The following DAZAP2 variants were observed in gnomAD, a reference collection of about 807,000 sequenced individuals.
DAZAP2 encodes DAZ-associated protein 2.
Under a neutral mutation model 16.2 loss-of-function variants are expected in DAZAP2, and 3 were observed. The ratio of observed to expected loss-of-function variants is 0.19; its 90% CI spans 0.08 to 0.48. The LOEUF (loss-of-function observed/expected upper bound fraction) is 0.48. Ranked by LOEUF, DAZAP2 falls within the 20% of genes least tolerant of loss-of-function variation. DAZAP2 has a pLI of 0.98. For synonymous variants in DAZAP2, 69 were observed against 77.6 expected (o/e 0.89, Z 0.58); for missense variants, 172 against 215.9 (o/e 0.80, Z 1.27).
In DAZAP2 at chr12:51,242,592, A is replaced by G. The variant is rs749523180; in HGVS notation, c.*134A>G. 1 of 1,600,980 alleles carries G rather than the reference A, an allele frequency of 6.2e-7. No homozygotes were observed. Among genetic ancestry groups the G allele is most frequent in the Non-Finnish European group, 8.5e-7 (1 of 1,173,588 alleles). ...TGTTGGGGTGTCTTTCTGGTGCCCA[A>G]ACTTTCAGGCACTTTTCAAATTTAA... On this transcript the variant is annotated 3_prime_UTR_variant, in exon 4 of 4. Transcript: ENST00000412716.
rs1351431532 is a variant in DAZAP2 at position 51,238,856 on chromosome 12, A to G, written c.-52A>G. The G allele has an allele frequency of 6.8e-6, 11 of 1,612,362 alleles. No homozygotes were observed. In the East Asian group the frequency reaches 1.1e-4, roughly 16 times the overall value. ...GGAAGTAGCTCCGAACAGGAAGAGG[A>G]CGAAAAAAATAACCGTCCGCGACGC... On this transcript the variant is annotated 5_prime_UTR_variant, in exon 1 of 4. Transcript: ENST00000412716.
At chr12:51,241,229 A>G (rs1944670457) in intron 3 of DAZAP2, 113 bp downstream of exon 3, 1 of 1,486,616 alleles carries the variant, frequency 6.7e-7, no homozygotes. Flanking sequence ...TGTTGGTACA[A>G]CTACTGACAT....
intron 3 of DAZAP2, 150 bp from the exon 4 acceptor site, chr12:51,242,180 A>T: frequency 1.8e-6 from 2 of 1,105,084 alleles, no homozygotes; most frequent in Non-Finnish European, 2.6e-6. Context: ...GTATAGACCT[A>T]CTTTAGAACT....
At chr12:51,240,505 A>G (rs1306291092) in intron 2 of DAZAP2, 44 bp downstream of exon 2, 5 of 1,496,086 alleles carry the variant, frequency 3.3e-6, no homozygotes, top group Non-Finnish European at 3.7e-6. Flanking sequence ...GAATACTCTT[A>G]GGGTGGTCCT....
rs1944692345 is a variant in DAZAP2, at chr12:51,242,333, C to T, written c.382C>T (p.Pro128Ser). Residue 128 changes from proline (P) to serine (S), a missense_variant, in exon 4 of 4, where the codon CCA becomes TCA. Physicochemically the swap from Pro to Ser is moderately conservative, Grantham distance 74. Transcript: ENST00000412716. ...AGATAGNIPPPPPGCPPNAAQ... is the reference protein window; with the variant it reads ...AGATAGNIPPSPPGCPPNAAQ... ...CTATCATGTCATTTCCTTTCAGCCT[C>T]CACCTCCTGGATGCCCTCCCAATGC... 6.3e-7 allele frequency: 1 copy of T among 1,589,832 alleles called. No homozygotes were observed. Among genetic ancestry groups the T allele is most frequent in the South Asian group, 1.1e-5 (1 of 87,752 alleles).
intron 2 of DAZAP2, 106 bp downstream of exon 2, chr12:51,240,567 CA>C: frequency 9.2e-7 from 1 of 1,092,768 alleles, no homozygotes; most frequent in Non-Finnish European, 1.4e-6. Context: ...CAAATGCTAA[CA>C]TGAATAATCT....
intron 1 of DAZAP2, chr12:51,239,860 T>TCCCA (rs1944637594): frequency 6.1e-6 from 1 of 164,182 alleles, no homozygotes; most frequent in Admixed American, 5.9e-5. Flanking sequence ...TGCACCCTTT[T>TCCCA]CCCAGTCTCA....
At chr12:51,239,096 C>T (rs1944610408) in intron 1 of DAZAP2, 176 bp downstream of exon 1, 7 of 881,364 alleles carry the variant, frequency 7.9e-6, no homozygotes, top group East Asian at 5.6e-5. Flanking sequence ...ATTACGGCAG[C>T]TTGCTGCCTC....
chr12:51,238,896 C>A lies in DAZAP2; in HGVS notation c.-12C>A. ...GTCCGCGACGCCGAGACAAACCGGACCCGCAACCACCATGAACAGCAAAGG... is the reference window on the plus strand; with the variant it reads ...GTCCGCGACGCCGAGACAAACCGGAACCGCAACCACCATGAACAGCAAAGG... On this transcript the variant is annotated 5_prime_UTR_variant, in exon 1 of 4. Transcript: ENST00000412716. 6.2e-7 allele frequency: 1 copy of A among 1,613,464 alleles called. No individual in the cohort carries two copies. The highest frequency in any genetic ancestry group is 8.5e-7 in the Non-Finnish European group (1 of 1,179,914).
At chr12:51,239,059 T>C in intron 1 of DAZAP2, 139 bp downstream of exon 1, 1 of 1,240,124 alleles carries the variant, frequency 8.1e-7, no homozygotes, top group Non-Finnish European at 1.1e-6. Context: ...TCCAGGGCGC[T>C]GCGCCTGACG....
chr12:51,245,909 C>T (rs147691624), downstream of DAZAP2: 599 of 1,594,906 alleles, frequency 3.8e-4, 1 homozygote, highest in Middle Eastern at 3.3e-3. Context: ...AGCGATGGAG[C>T]CAGGAATAAG....
chr12:51,244,385 C>T (rs1490777157), downstream of DAZAP2, among the ~76,000 whole-genome samples: 4 of 152,150 alleles, frequency 2.6e-5, no homozygotes, highest in Non-Finnish European at 4.4e-5. Context: ...TTAGTAGAGA[C>T]GGCTTCACTG....
Position 51,240,382 on chromosome 12 carries a change from C to T in DAZAP2, c.53C>T (p.Pro18Leu), listed in dbSNP as rs1441672462. ...CAGCCAACCTACCCTGTGCAGCCTCCTGGGAATCCAGTATACCCTCAGACC... is the reference window on the plus strand; with the variant it reads ...CAGCCAACCTACCCTGTGCAGCCTCTTGGGAATCCAGTATACCCTCAGACC... ...PTQPTYPVQP[P>L]GNPVYPQTLH... Residue 18 changes from proline (P) to leucine (L), a missense_variant, in exon 2 of 4, where the codon CCT (proline) becomes CTT (leucine). Coordinates refer to ENST00000412716, the MANE Select transcript of DAZAP2 (RefSeq NM_014764.4). 6.2e-7 allele frequency: 1 copy of T among 1,613,984 alleles called. No homozygotes were observed.
At chr12:51,242,302 C>A in intron 3 of DAZAP2, 28 bp from the exon 4 acceptor site, 1 of 1,557,382 alleles carries the variant, frequency 6.4e-7, no homozygotes, top group Non-Finnish European at 8.7e-7. Context: ...CTGCCCTGTG[C>A]CCATTCTATC....
Position 51,241,187 on chromosome 12 carries a change from T to A in DAZAP2, c.378+71T>A, listed in dbSNP as rs185452843. The A allele has an allele frequency of 1.9e-5, 30 of 1,573,510 alleles. No individual in the cohort carries two copies. In the East Asian group the frequency reaches 4.9e-4, roughly 26 times the overall value. Reference sequence around the variant, plus strand: ...ACTTTCTGAAATGACTTCATATTCATTCTCTTACCATTTCTGGATGATAGT... The same window carrying A: ...ACTTTCTGAAATGACTTCATATTCAATCTCTTACCATTTCTGGATGATAGT... On this transcript the variant is annotated intron_variant, in intron 3 of 3. Coordinates refer to ENST00000412716, the MANE Select transcript of DAZAP2 (RefSeq NM_014764.4).
Position 51,242,969 on chromosome 12 carries a change from C to T in DAZAP2, c.*511C>T, listed in dbSNP as rs1352851703. 1.3e-5 allele frequency: 14 copies of T among 1,067,236 alleles called. No homozygotes were observed. The East Asian group carries it at 1.0e-3, about 78-fold the overall frequency. 66.1% of individuals were successfully genotyped at this position (1,067,236 alleles called of 1,614,324 possible). A position where few individuals can be genotyped will look rare whatever the true frequency, so the allele number is the denominator to read the frequency against. The stretch of plus-strand genomic sequence containing the variant: ...CATCTCCAACCCTAGTCTTCCATTT[C>T]CTCCCGCCAGTCTCCATTGAATCAA... On this transcript the variant is annotated 3_prime_UTR_variant, in exon 4 of 4. Transcript: ENST00000412716.
rs780268345 is a variant in DAZAP2 at position 51,242,477 on chromosome 12, G to C, written c.*19G>C. On this transcript the variant is annotated 3_prime_UTR_variant, in exon 4 of 4. Transcript: ENST00000412716. Reference sequence around the variant, plus strand: ...CTGGTGAGGAACCAAGGCCACCTCTGTGCCGGGAAAGACATCACATACCTT... The same window carrying C: ...CTGGTGAGGAACCAAGGCCACCTCTCTGCCGGGAAAGACATCACATACCTT... The C allele has an allele frequency of 7.4e-6, 12 of 1,613,822 alleles. No homozygotes were observed. Among genetic ancestry groups the C allele is most frequent in the Non-Finnish European group, 9.3e-6 (11 of 1,180,040 alleles).
chr12:51,242,809 T>G lies in DAZAP2; in HGVS notation c.*351T>G. ...ATTAGGTTTGGAGGGAACTTTGATC[T>G]TCCTAAGAATTAAAGTTGCCAAATT... On this transcript the variant is annotated 3_prime_UTR_variant, in exon 4 of 4. Coordinates refer to ENST00000412716, the MANE Select transcript of DAZAP2 (RefSeq NM_014764.4). 2 of 1,398,176 alleles carry G rather than the reference T, an allele frequency of 1.4e-6. No homozygotes were observed. Among genetic ancestry groups the G allele is most frequent in the Non-Finnish European group, 1.8e-6 (2 of 1,083,646 alleles). 86.6% of individuals were successfully genotyped at this position (1,398,176 alleles called of 1,614,324 possible). A position where few individuals can be genotyped will look rare whatever the true frequency, so the allele number is the denominator to read the frequency against.
chr12:51,239,030 G>A lies in DAZAP2; in HGVS notation c.13+110G>A, dbSNP rs1330065626. The A allele has an allele frequency of 3.3e-6, 5 of 1,494,122 alleles. No individual in the cohort carries two copies. In the African/African-American group the frequency reaches 4.2e-5, roughly 13 times the overall value. 92.6% of individuals were successfully genotyped at this position (1,494,122 alleles called of 1,614,324 possible). ...CCAGGTTTGGGGTGGGCTGCGCCATGCTCCTTGGCCGGCTGCAGTCCAGGG... is the reference window on the plus strand; with the variant it reads ...CCAGGTTTGGGGTGGGCTGCGCCATACTCCTTGGCCGGCTGCAGTCCAGGG... On this transcript the variant is annotated intron_variant, in intron 1 of 3. Transcript: ENST00000412716.
Sources: gnomAD v4.1 joint callset for allele counts (sites outside exome capture counted in the v4.1 genomes callset) on GRCh38, gnomAD v4.1.1 for gene constraint, MANE v1.5 for transcripts, NCBI Gene and HGNC (gene_info 2026-07-23, HGNC 2026-07-21) for gene names.